DNM3: variants seen among roughly 807,000 people sequenced by gnomAD.
DNM3 encodes the protein dynamin-3.
DNM3 carries 47 observed loss-of-function variants against 101.6 expected under a neutral mutation model. The ratio of observed to expected loss-of-function variants is 0.46; its 90% CI spans 0.37 to 0.59. The LOEUF (loss-of-function observed/expected upper bound fraction) is 0.59, where lower values mean the gene tolerates loss of function less well. Ranked by LOEUF, DNM3 falls within the 20% of genes least tolerant of loss-of-function variation. DNM3 has a pLI of 0.00. For missense variants in DNM3, 849 were observed against 1,085.7 expected, an observed-to-expected ratio of 0.78 and a Z score of 3.06; for synonymous variants, 385 against 387.9, an observed-to-expected ratio of 0.99 and a Z score of 0.09.
chr1:172,026,038 A>G lies in DNM3; in HGVS notation c.590-6364A>G, dbSNP rs529395279. 9.2e-5 allele frequency among the ~76,000 whole-genome samples: 14 copies of G among 152,262 alleles called. No homozygotes were observed. The East Asian group carries it at 2.7e-3, about 29-fold the overall frequency. On this transcript the variant is annotated intron_variant, in intron 4 of 20. Transcript: ENST00000627582. ...CTAAAGGAGGATGGTTTAACCCAAT[A>G]CAAGGAAGCCAAGAACCTTGAAAAA...
intron 15 of DNM3, among the ~76,000 whole-genome samples, chr1:172,302,706 C>A (rs935626324): frequency 3.3e-5 from 5 of 152,116 alleles, no homozygotes; most frequent in Admixed American, 2.6e-4. Context: ...TGCTGTTCTG[C>A]AGCCTCCGCC....
chr1:172,392,794 C>T (rs1224673988), intron 20 of DNM3, among the ~76,000 whole-genome samples: 1 of 152,086 alleles, frequency 6.6e-6, no homozygotes, highest in African/African-American at 2.4e-5. Flanking sequence ...ACTCAATATT[C>T]AAGTACTTTT....
chr1:172,191,216 G>A (rs1174633573), intron 14 of DNM3, among the ~76,000 whole-genome samples: 1 of 152,168 alleles, frequency 6.6e-6, no homozygotes, highest in African/African-American at 2.4e-5. Flanking sequence ...AAGTGATCCA[G>A]TTTCAGCTTT....
At chr1:172,309,765 CAT>C (rs1378192355) in intron 16 of DNM3, 1 of 152,146 alleles carries the variant, frequency 6.6e-6, no homozygotes, top group Non-Finnish European at 1.5e-5. Context: ...ATGGGTGAAA[CAT>C]AGGACAATTA....
intron 2 of DNM3, among the ~76,000 whole-genome samples, chr1:171,935,617 G>A (rs542950669): frequency 5.3e-5 from 8 of 152,130 alleles, no homozygotes; most frequent in South Asian, 2.1e-4. Context: ...TTCCTCCAGC[G>A]CCATGTTGAA....
intron 13 of DNM3, among the ~76,000 whole-genome samples, chr1:172,123,448 A>T (rs2056437034): frequency 6.6e-6 from 1 of 152,206 alleles, no homozygotes; most frequent in South Asian, 2.1e-4. Context: ...CACCTGGCAC[A>T]GTACCTGATC....
At chr1:171,912,794 C>G (rs1164162276) in intron 1 of DNM3, among the ~76,000 whole-genome samples, 1 of 152,078 alleles carries the variant, frequency 6.6e-6, no homozygotes, top group Non-Finnish European at 1.5e-5. Flanking sequence ...ATTGCCATTC[C>G]CAGCAAAATT....
At chr1:172,342,586 A>T (rs916449710) in intron 17 of DNM3, among the ~76,000 whole-genome samples, 1 of 152,176 alleles carries the variant, frequency 6.6e-6, no homozygotes, top group Middle Eastern at 3.2e-3. Context: ...GAGAGAAACA[A>T]CAGACACTGG....
intron 17 of DNM3, 63 bp from the exon 18 acceptor site, chr1:172,378,955 T>A: frequency 6.5e-7 from 1 of 1,532,188 alleles, no homozygotes; most frequent in African/African-American, 1.4e-5. Context: ...TGATAACGAC[T>A]GACATTTTAT....
At chr1:172,392,486 T>G (rs2069609402) in intron 20 of DNM3, among the ~76,000 whole-genome samples, 1 of 152,222 alleles carries the variant, frequency 6.6e-6, no homozygotes, top group South Asian at 2.1e-4. Flanking sequence ...AGGGTTCCTA[T>G]TCTCTTAATT....
In DNM3 at chr1:172,302,888, A is replaced by G. The variant is rs143708801; in HGVS notation, c.1770-5840A>G. On this transcript the variant is annotated intron_variant, in intron 15 of 20. Transcript: ENST00000627582. ...CCCCATCTGTAGGTCACCAACATCA[A>G]AGACCACAGGTAGATAAAACCACAA... 5.5e-3 allele frequency among the ~76,000 whole-genome samples: 837 copies of G among 152,332 alleles called. 8 individuals carry two copies. Among genetic ancestry groups the G allele is most frequent in the African/African-American group, 0.019 (788 of 41,574 alleles).
intron 4 of DNM3, among the ~76,000 whole-genome samples, chr1:171,999,113 G>A (rs2046202593): frequency 6.6e-6 from 1 of 152,066 alleles, no homozygotes; most frequent in Non-Finnish European, 1.5e-5. Flanking sequence ...TGGCTGCTGT[G>A]AGAAGAAAAG....
At chr1:171,918,336 C>T (rs999880233) in intron 1 of DNM3, among the ~76,000 whole-genome samples, 16 of 152,074 alleles carry the variant, frequency 1.1e-4, no homozygotes, top group African/African-American at 2.7e-4. Context: ...GAAATAGGTT[C>T]GGAGAGAATT....
At chr1:171,891,501 A>T (rs564875743) in intron 1 of DNM3, among the ~76,000 whole-genome samples, 5 of 152,060 alleles carry the variant, frequency 3.3e-5, no homozygotes, top group Non-Finnish European at 5.9e-5. Flanking sequence ...TTTTATTCAG[A>T]TTTTTGTTGT....
chr1:172,129,207 C>G (rs2056802077), intron 13 of DNM3, among the ~76,000 whole-genome samples: 1 of 152,086 alleles, frequency 6.6e-6, no homozygotes, highest in South Asian at 2.1e-4. Flanking sequence ...CCTTCTTACT[C>G]AAAACTATTA....
At chr1:171,873,179 A>G (rs977761484) in intron 1 of DNM3, among the ~76,000 whole-genome samples, 7 of 152,240 alleles carry the variant, frequency 4.6e-5, no homozygotes, top group African/African-American at 1.2e-4. Context: ...TCCAATCTCT[A>G]TAAGTGACAC....
At chr1:172,147,967 C>A (rs1422178610) in intron 14 of DNM3, among the ~76,000 whole-genome samples, 2 of 151,990 alleles carry the variant, frequency 1.3e-5, no homozygotes, top group Non-Finnish European at 2.9e-5. Context: ...TTATAATAAT[C>A]CTATAGTGTA....
chr1:171,918,547 TG>T (rs2039903770), intron 1 of DNM3, among the ~76,000 whole-genome samples: 1 of 152,184 alleles, frequency 6.6e-6, no homozygotes, highest in African/African-American at 2.4e-5. Context: ...TTTAGCACTT[TG>T]TTGTACTTCA....
chr1:172,289,022 T>G (rs924148721), intron 15 of DNM3, among the ~76,000 whole-genome samples: 1 of 152,166 alleles, frequency 6.6e-6, no homozygotes, highest in Non-Finnish European at 1.5e-5. Context: ...TTTCTATTCA[T>G]GAGTGAGATT....
Sources: gnomAD v4.1 joint callset for allele counts (sites outside exome capture counted in the v4.1 genomes callset) on GRCh38, gnomAD v4.1.1 for gene constraint, MANE v1.5 for transcripts, NCBI Gene and HGNC (gene_info 2026-07-23, HGNC 2026-07-21) for gene names.